UNC79: variants seen among roughly 807,000 people sequenced by gnomAD.
The protein encoded by UNC79 is protein unc-79 homolog.
UNC79 carries 37 observed loss-of-function variants against 283.1 expected under a neutral mutation model. That is an observed-to-expected ratio of 0.13 (90% CI 0.10 to 0.17). The LOEUF (loss-of-function observed/expected upper bound fraction) is 0.17, where lower values mean the gene tolerates loss of function less well. Ranked by LOEUF, UNC79 falls within the 10% of genes least tolerant of loss-of-function variation. UNC79 has a pLI of 1.00. For missense variants in UNC79, 2,272 were observed against 3,211.1 expected (o/e 0.71, Z 7.07); for synonymous variants, 1,107 against 1,200.2 (o/e 0.92, Z 1.61).
chr14:93,650,065 C>A (rs1265673985), intron 35 of UNC79, among the ~76,000 whole-genome samples: 1 of 152,200 alleles, frequency 6.6e-6, no homozygotes, highest in Non-Finnish European at 1.5e-5. Context: ...TCAATGGAAT[C>A]CTACTGTATG....
At chr14:93,506,228 T>G (rs2059533454) in intron 7 of UNC79, among the ~76,000 whole-genome samples, 1 of 151,810 alleles carries the variant, frequency 6.6e-6, no homozygotes, top group African/African-American at 2.4e-5. Flanking sequence ...TATACAATTT[T>G]TTTTTTTTTT....
chr14:93,546,342 G>C (rs781457927), intron 14 of UNC79, among the ~76,000 whole-genome samples: 1 of 152,190 alleles, frequency 6.6e-6, no homozygotes, highest in African/African-American at 2.4e-5. Flanking sequence ...AAAGGCAAGA[G>C]GGGGGTTGGC....
intron 14 of UNC79, among the ~76,000 whole-genome samples, chr14:93,548,363 A>G (rs2061707921): frequency 1.3e-5 from 2 of 152,202 alleles, no homozygotes; most frequent in African/African-American, 4.8e-5. Flanking sequence ...ACCTTCTAAC[A>G]TCATCACATT....
chr14:93,501,456 A>T, intron 7 of UNC79, among the ~76,000 whole-genome samples: 1 of 152,144 alleles, frequency 6.6e-6, no homozygotes. Context: ...TTGGGAGGCC[A>T]AGGTGTGCAA....
At position 93,404,493 on chromosome 14, in the gene UNC79, A is replaced by AAAAAAAAATAT; in HGVS notation, c.-350-63177_-350-63176insAAAAAAATATA. Among the ~76,000 whole-genome samples, 320 of 61,486 alleles carry AAAAAAAAATAT rather than the reference A, an allele frequency of 5.2e-3. 12 individuals are homozygous for AAAAAAAAATAT. The highest frequency in any genetic ancestry group is 0.013 in the African/African-American group (190 of 14,988). 40.3% of individuals were successfully genotyped at this position (61,486 alleles called of 152,430 possible). A position where few individuals can be genotyped will look rare whatever the true frequency, so the allele number is the denominator to read the frequency against. On this transcript the variant is annotated intron_variant, in intron 1 of 49. Coordinates refer to the UNC79 transcript ENST00000256339. Reference sequence around the variant, plus strand: ...TGACAGAGTGAGACCTTCTAAAAAAAATATATATATATATATATATAAATA... The same window carrying AAAAAAAAATAT: ...TGACAGAGTGAGACCTTCTAAAAAAAAAAAAAAATATATATATATATATATATATATAAATA...
intron 37 of UNC79, 46 bp from the exon 41 acceptor site, chr14:93,655,188 C>G: frequency 6.3e-7 from 1 of 1,599,104 alleles, no homozygotes; most frequent in Non-Finnish European, 8.5e-7. Context: ...GCTATGCATT[C>G]CCGTGCTGTT....
intron 1 of UNC79, among the ~76,000 whole-genome samples, chr14:93,466,375 G>A (rs1262828339): frequency 6.6e-6 from 1 of 152,232 alleles, no homozygotes; most frequent in Admixed American, 6.5e-5. Context: ...CGTTCACGTG[G>A]ACATAATTTC....
At chr14:93,684,767 G>T (rs1281875371) in intron 42 of UNC79, among the ~76,000 whole-genome samples, 1 of 152,136 alleles carries the variant, frequency 6.6e-6, no homozygotes, top group African/African-American at 2.4e-5. Context: ...AACATGTGTT[G>T]CTTTTATAAT....
At chr14:93,626,384 A>G (rs900716983) in intron 30 of UNC79, among the ~76,000 whole-genome samples, 3 of 152,180 alleles carry the variant, frequency 2.0e-5, no homozygotes, top group African/African-American at 7.2e-5. Context: ...ACATGTGGAC[A>G]CGATTCTATC....
At chr14:93,392,513 C>T (rs186075159) in intron 1 of UNC79, among the ~76,000 whole-genome samples, 2 of 152,162 alleles carry the variant, frequency 1.3e-5, no homozygotes, top group African/African-American at 4.8e-5. Flanking sequence ...ACAGATTTCC[C>T]CTCATATTTC....
intron 41 of UNC79, among the ~76,000 whole-genome samples, chr14:93,674,271 C>T (rs2140671866): frequency 6.6e-6 from 1 of 152,260 alleles, no homozygotes; most frequent in Non-Finnish European, 1.5e-5. Context: ...CTGGAGGGTA[C>T]AGACAAATGT....
chr14:93,705,730 C>A (rs1156873424), intron 48 of UNC79, among the ~76,000 whole-genome samples: 1 of 152,234 alleles, frequency 6.6e-6, no homozygotes, highest in Non-Finnish European at 1.5e-5. Context: ...AAGCCAGCTG[C>A]CTGCTCCATC....
exon 27 of UNC79, chr14:93,613,013 G>A: frequency 6.2e-7 from 1 of 1,614,172 alleles, no homozygotes; most frequent in Non-Finnish European, 8.5e-7. Flanking sequence ...CAGGAAGGTT[G>A]CTTCATGATT....
chr14:93,512,186 G>T (rs996108916), intron 7 of UNC79, among the ~76,000 whole-genome samples: 3 of 152,104 alleles, frequency 2.0e-5, no homozygotes, highest in African/African-American at 7.2e-5. Context: ...TGTAATTAGT[G>T]AACATTGCTT....
intron 48 of UNC79, among the ~76,000 whole-genome samples, chr14:93,705,722 G>A (rs2075833922): frequency 6.6e-6 from 1 of 152,198 alleles, no homozygotes; most frequent in Non-Finnish European, 1.5e-5. Context: ...AGATGGCAAA[G>A]CCAGCTGCCT....
chr14:93,579,402 G>A (rs930567812), intron 18 of UNC79, among the ~76,000 whole-genome samples: 4 of 152,146 alleles, frequency 2.6e-5, no homozygotes, highest in African/African-American at 7.2e-5. Flanking sequence ...TATCATGACA[G>A]TCGAGTGATA....
At chr14:93,661,869 T>C (rs535603866) in intron 39 of UNC79, among the ~76,000 whole-genome samples, 6 of 152,292 alleles carry the variant, frequency 3.9e-5, no homozygotes, top group African/African-American at 1.4e-4. Context: ...AGCTAGAGTG[T>C]GAAAACCCTT....
chr14:93,577,871 A>G, exon 18 of UNC79: 1 of 1,614,156 alleles, frequency 6.2e-7, no homozygotes, highest in Non-Finnish European at 8.5e-7. Flanking sequence ...CTGGCCGACG[A>G]GTTCAGCACA....
intron 14 of UNC79, among the ~76,000 whole-genome samples, chr14:93,569,545 T>G (rs1465520101): frequency 6.6e-6 from 1 of 152,250 alleles, no homozygotes; most frequent in Non-Finnish European, 1.5e-5. Context: ...TTATGCAGAC[T>G]TTTAAAGTAA....
Sources: allele counts gnomAD v4.1 joint callset (sites outside exome capture counted in the v4.1 genomes callset), GRCh38; gene constraint gnomAD v4.1.1; transcripts MANE v1.5; gene names NCBI Gene and HGNC (gene_info 2026-07-23, HGNC 2026-07-21).